KIAA1217: variants seen among roughly 807,000 people sequenced by gnomAD.
KIAA1217 encodes KIAA1217, also known as sickle tail protein homolog.
KIAA1217 carries 88 observed loss-of-function variants against 163.9 expected under a neutral mutation model. The ratio of observed to expected loss-of-function variants is 0.54; its 90% CI spans 0.45 to 0.64. KIAA1217 has a LOEUF of 0.64. Ranked by LOEUF, KIAA1217 falls within the 30% of genes least tolerant of loss-of-function variation. The pLI is 0.00. For missense variants in KIAA1217, 2,372 were observed against 2,475.0 expected (o/e 0.96, Z 0.88); for synonymous variants, 903 against 923.1 (o/e 0.98, Z 0.39).
intron 1 of KIAA1217, among the ~76,000 whole-genome samples, chr10:23,875,312 G>A (rs1407471327): frequency 6.6e-6 from 1 of 152,048 alleles, no homozygotes; most frequent in Non-Finnish European, 1.5e-5. Context: ...ACTCTGATAG[G>A]AGGCAGGTAA....
intron 3 of KIAA1217, among the ~76,000 whole-genome samples, chr10:24,432,075 G>A (rs1313449603): frequency 1.3e-5 from 2 of 150,602 alleles, no homozygotes; most frequent in South Asian, 2.1e-4. Context: ...ACTCTATGAG[G>A]TCAGATTTCT....
At chr10:24,107,309 T>C (rs1261302632) in intron 2 of KIAA1217, among the ~76,000 whole-genome samples, 1 of 152,224 alleles carries the variant, frequency 6.6e-6, no homozygotes, top group Non-Finnish European at 1.5e-5. Context: ...ATTGATTCCA[T>C]GTCTTCACTA....
chr10:24,354,479 C>T (rs766974866), intron 2 of KIAA1217, among the ~76,000 whole-genome samples: 7 of 152,242 alleles, frequency 4.6e-5, no homozygotes, highest in Non-Finnish European at 7.3e-5. Context: ...CTGCCATCTG[C>T]ACACAGCTTA....
chr10:23,818,343 TA>T (rs1182870236), intron 1 of KIAA1217, among the ~76,000 whole-genome samples: 1 of 107,774 alleles, frequency 9.3e-6, no homozygotes, highest in Non-Finnish European at 1.8e-5. Context: ...TATATATATA[TA>T]TAAAAAAATA....
chr10:24,447,516 T>A (rs1037444584), intron 5 of KIAA1217, among the ~76,000 whole-genome samples: 1 of 152,172 alleles, frequency 6.6e-6, no homozygotes, highest in Non-Finnish European at 1.5e-5. Context: ...GTCTTAAGTG[T>A]CTTTCAGCTC....
chr10:24,214,616 G>A (rs1386923192), intron 1 of KIAA1217, among the ~76,000 whole-genome samples: 3 of 152,300 alleles, frequency 2.0e-5, no homozygotes, highest in Middle Eastern at 6.8e-3. Flanking sequence ...GTGTGCAGCA[G>A]AAGAGCGTTC....
chr10:23,854,398 T>C (rs941641317), intron 1 of KIAA1217, among the ~76,000 whole-genome samples: 2 of 152,200 alleles, frequency 1.3e-5, no homozygotes, highest in Admixed American at 1.3e-4. Context: ...ATAATTTCTG[T>C]TCTTTTACAT....
intron 3 of KIAA1217, among the ~76,000 whole-genome samples, chr10:24,395,259 C>T (rs2055562803): frequency 6.6e-6 from 1 of 152,178 alleles, no homozygotes; most frequent in South Asian, 2.1e-4. Flanking sequence ...TCTGAATCAC[C>T]TCATCTGCCA....
intron 1 of KIAA1217, among the ~76,000 whole-genome samples, chr10:23,715,749 G>A (rs528827099): frequency 4.5e-4 from 69 of 152,132 alleles, no homozygotes; most frequent in Non-Finnish European, 8.2e-4. Context: ...GATTCTAAAG[G>A]AAGTAATCAC....
chr10:23,728,458 G>A (rs1838290197), intron 1 of KIAA1217, among the ~76,000 whole-genome samples: 1 of 149,810 alleles, frequency 6.7e-6, no homozygotes, highest in South Asian at 2.1e-4. Flanking sequence ...CTGCACAAAT[G>A]TCTTTTTTTG....
At chr10:24,195,317 C>G (rs936160930) in intron 2 of KIAA1217, among the ~76,000 whole-genome samples, 1 of 152,174 alleles carries the variant, frequency 6.6e-6, no homozygotes, top group Admixed American at 6.5e-5. Context: ...TTAATCCAGA[C>G]CCTGACCGAG....
chr10:24,459,913 A>C (rs992429341), intron 5 of KIAA1217, among the ~76,000 whole-genome samples: 2 of 152,204 alleles, frequency 1.3e-5, no homozygotes, highest in Admixed American at 6.5e-5. Context: ...CCTGAGCAAC[A>C]GAATGAGACC....
At chr10:24,484,103 AATTTTT>A (rs1303722585) in intron 6 of KIAA1217, among the ~76,000 whole-genome samples, 2 of 150,274 alleles carry the variant, frequency 1.3e-5, no homozygotes, top group Admixed American at 1.3e-4. Context: ...AGTTCTGTGC[AATTTTT>A]ATTTTTATTT....
At chr10:24,379,506 G>A (rs1932593) in intron 2 of KIAA1217, among the ~76,000 whole-genome samples, 19,794 of 152,102 alleles carry the variant, frequency 0.13, 3,705 homozygotes, top group African/African-American at 0.41. Flanking sequence ...CAGGGCGGAA[G>A]GTACTGACCT....
At chr10:24,430,116 A>C (rs1554862574) in intron 3 of KIAA1217, among the ~76,000 whole-genome samples, 1 of 152,230 alleles carries the variant, frequency 6.6e-6, no homozygotes, top group Non-Finnish European at 1.5e-5. Flanking sequence ...ACTGCACTCC[A>C]GCCTAGGCAA....
intron 1 of KIAA1217, among the ~76,000 whole-genome samples, chr10:23,952,930 T>G (rs1554829662): frequency 1.3e-5 from 2 of 152,218 alleles, no homozygotes; most frequent in Non-Finnish European, 2.9e-5. Flanking sequence ...GTAACACCTC[T>G]GTAACACTTG....
intron 2 of KIAA1217, among the ~76,000 whole-genome samples, chr10:24,162,728 GCTCAGGATCT>G (rs1399204992): frequency 6.6e-6 from 1 of 152,212 alleles, no homozygotes; most frequent in Non-Finnish European, 1.5e-5. Flanking sequence ...GGTGGTTCAA[GCTCAGGATCT>G]CTTGTGAGAT....
intron 1 of KIAA1217, among the ~76,000 whole-genome samples, chr10:23,917,631 C>G (rs1173644778): frequency 6.6e-6 from 1 of 152,216 alleles, no homozygotes; most frequent in Non-Finnish European, 1.5e-5. Flanking sequence ...AGCTAGTGTG[C>G]TGCAGGCAAT....
At chr10:23,745,748 G>A (rs1839374059) in intron 1 of KIAA1217, among the ~76,000 whole-genome samples, 1 of 152,170 alleles carries the variant, frequency 6.6e-6, no homozygotes, top group Non-Finnish European at 1.5e-5. Flanking sequence ...TACTCCTGGA[G>A]CCCATGGTAG....
Sources: gnomAD v4.1 joint callset for allele counts (sites outside exome capture counted in the v4.1 genomes callset) on GRCh38, gnomAD v4.1.1 for gene constraint, MANE v1.5 for transcripts, NCBI Gene and HGNC (gene_info 2026-07-23, HGNC 2026-07-21) for gene names.